FGF12: variants seen among roughly 807,000 people sequenced by gnomAD.
FGF12 encodes fibroblast growth factor 12.
FGF12 carries 14 observed loss-of-function variants against 23.6 expected under a neutral mutation model. That is an observed-to-expected ratio of 0.59 (90% CI 0.39 to 0.93). The LOEUF (loss-of-function observed/expected upper bound fraction) is 0.93, where lower values mean the gene tolerates loss of function less well. FGF12 is among the 40% of genes least tolerant of loss of function. The pLI is 0.00. For synonymous variants in FGF12, 62 were observed against 77.3 expected, an observed-to-expected ratio of 0.80 and a Z score of 1.04; for missense variants, 175 against 217.8, an observed-to-expected ratio of 0.80 and a Z score of 1.24.
At position 192,388,847 on chromosome 3, in the gene FGF12, A is replaced by C. The variant is rs567584025; in HGVS notation, c.14-28309T>G. ...TAAAAAAAAATGAAACATATGGAAA[A>C]GAAGAATAACAAAATAAGCAAAAAC... On this transcript the variant is annotated intron_variant, in intron 2 of 5. Transcript: ENST00000445105. Among the ~76,000 whole-genome samples, 60 of 152,208 alleles carry C rather than the reference A, an allele frequency of 3.9e-4. No homozygotes were observed. The Middle Eastern group carries it at 0.014, about 35-fold the overall frequency.
chr3:192,171,267 T>TAATA (rs1166377414), intron 4 of FGF12, among the ~76,000 whole-genome samples: 1 of 152,206 alleles, frequency 6.6e-6, no homozygotes, highest in Admixed American at 6.5e-5. Flanking sequence ...AGAAAATTAC[T>TAATA]AATAGTATTA....
At chr3:192,462,009 C>T (rs1204219671) in intron 2 of FGF12, among the ~76,000 whole-genome samples, 7 of 151,172 alleles carry the variant, frequency 4.6e-5, no homozygotes, top group Admixed American at 2.0e-4. Flanking sequence ...AAAAAACACA[C>T]ATTATTACTT....
At chr3:192,640,800 TTTGTTTG>T (rs1715767023) in intron 2 of FGF12, among the ~76,000 whole-genome samples, 21 of 18,582 alleles carry the variant, frequency 1.1e-3, no homozygotes, top group South Asian at 9.5e-3. Context: ...CTTTTTTTTG[TTTGTTTG>T]TTTGTTTGTT....
chr3:192,191,557 C>T (rs1249012867), intron 4 of FGF12, among the ~76,000 whole-genome samples: 1 of 152,136 alleles, frequency 6.6e-6, no homozygotes, highest in African/African-American at 2.4e-5. Flanking sequence ...TCTTTAAGGC[C>T]AGGCACAGTG....
chr3:192,202,929 C>A (rs1365734895), intron 4 of FGF12, among the ~76,000 whole-genome samples: 1 of 152,130 alleles, frequency 6.6e-6, no homozygotes, highest in East Asian at 1.9e-4. Context: ...ATTTCTAGTG[C>A]TTGCTCCTGA....
chr3:192,401,651 G>A (rs1051213601), intron 2 of FGF12, among the ~76,000 whole-genome samples: 5 of 152,172 alleles, frequency 3.3e-5, no homozygotes, highest in African/African-American at 9.6e-5. Context: ...AATACAAGTC[G>A]CATGATATCA....
chr3:192,281,128 G>C (rs1714116953), intron 4 of FGF12, among the ~76,000 whole-genome samples: 1 of 152,214 alleles, frequency 6.6e-6, no homozygotes, highest in South Asian at 2.1e-4. Context: ...GGGTGGCTTA[G>C]ACAACAAAAA....
At chr3:192,711,103 C>G (rs1039549311) in intron 2 of FGF12, among the ~76,000 whole-genome samples, 1 of 152,016 alleles carries the variant, frequency 6.6e-6, no homozygotes, top group Admixed American at 6.5e-5. Flanking sequence ...GAACAGGTAA[C>G]CAAATATAAA....
chr3:192,167,776 T>G (rs1332933937), intron 5 of FGF12, among the ~76,000 whole-genome samples: 1 of 61,696 alleles, frequency 1.6e-5, no homozygotes, highest in Non-Finnish European at 3.9e-5. Flanking sequence ...TATAAAATTT[T>G]TTTTTTTTTT....
chr3:192,252,871 C>T (rs895101455), intron 4 of FGF12, among the ~76,000 whole-genome samples: 8 of 152,070 alleles, frequency 5.3e-5, no homozygotes, highest in African/African-American at 1.4e-4. Context: ...GTGTGCTTTT[C>T]ACATTATTGC....
intron 2 of FGF12, among the ~76,000 whole-genome samples, chr3:192,381,523 C>T (rs1719811363): frequency 6.6e-6 from 1 of 152,016 alleles, no homozygotes; most frequent in South Asian, 2.1e-4. Context: ...TAAATAATGC[C>T]ACAATCAGTT....
intron 4 of FGF12, among the ~76,000 whole-genome samples, chr3:192,322,427 A>T (rs1438003771): frequency 6.6e-6 from 1 of 152,122 alleles, no homozygotes; most frequent in East Asian, 1.9e-4. Flanking sequence ...AATCTTTATC[A>T]TAATACTAAC....
At chr3:192,194,113 A>C (rs1246602260) in intron 4 of FGF12, among the ~76,000 whole-genome samples, 1 of 152,250 alleles carries the variant, frequency 6.6e-6, no homozygotes, top group Non-Finnish European at 1.5e-5. Context: ...ATTTTATAAA[A>C]TGCATAGCTT....
At chr3:192,162,349 TAAC>T (rs1714929737) in intron 5 of FGF12, among the ~76,000 whole-genome samples, 1 of 152,176 alleles carries the variant, frequency 6.6e-6, no homozygotes, top group South Asian at 2.1e-4. Flanking sequence ...TATAATGAGA[TAAC>T]AACTATAACG....
At chr3:192,148,560 C>T (rs558979155) in intron 5 of FGF12, among the ~76,000 whole-genome samples, 8 of 152,200 alleles carry the variant, frequency 5.3e-5, no homozygotes, top group East Asian at 1.9e-4. Context: ...ATGTACTTAA[C>T]GGCAATGAAA....
chr3:192,622,832 TTTG>T (rs938815925), intron 2 of FGF12, among the ~76,000 whole-genome samples: 34 of 152,164 alleles, frequency 2.2e-4, no homozygotes, highest in African/African-American at 7.9e-4. Flanking sequence ...AAATCAAGGT[TTTG>T]TTGTTTTCTT....
At chr3:192,554,755 TTAAA>T (rs2108588784) in intron 2 of FGF12, among the ~76,000 whole-genome samples, 1 of 151,526 alleles carries the variant, frequency 6.6e-6, no homozygotes, top group African/African-American at 2.4e-5. Flanking sequence ...GAAATAGATT[TTAAA>T]TTGCTACTAT....
intron 4 of FGF12, among the ~76,000 whole-genome samples, chr3:192,211,870 A>G (rs1190625008): frequency 6.6e-6 from 1 of 152,262 alleles, no homozygotes; most frequent in African/African-American, 2.4e-5. Flanking sequence ...TTCAAATAAC[A>G]TAATAAATCC....
chr3:192,258,399 A>C (rs1225771690), intron 4 of FGF12, among the ~76,000 whole-genome samples: 1 of 152,204 alleles, frequency 6.6e-6, no homozygotes, highest in African/African-American at 2.4e-5. Context: ...CAGAGGTTGC[A>C]GTGAGCTGAA....
Sources: gnomAD v4.1 joint callset for allele counts (sites outside exome capture counted in the v4.1 genomes callset) on GRCh38, gnomAD v4.1.1 for gene constraint, MANE v1.5 for transcripts, NCBI Gene and HGNC (gene_info 2026-07-23, HGNC 2026-07-21) for gene names.